Variants in MLLT1 observed in about 807,000 individuals in gnomAD.
MLLT1 encodes the protein protein ENL.
A neutral mutation model predicts 55.1 loss-of-function variants in MLLT1; 11 were observed. The observed-to-expected ratio is 0.20, with a 90% CI of 0.13 to 0.33. MLLT1 has a LOEUF of 0.33. MLLT1 is among the 10% of genes least tolerant of loss of function. MLLT1 has a pLI of 1.00. For missense variants in MLLT1, 536 were observed against 760.6 expected, an observed-to-expected ratio of 0.70 and a Z score of 3.47; for synonymous variants, 323 against 320.1, an observed-to-expected ratio of 1.01 and a Z score of -0.10.
intron 3 of MLLT1, among the ~76,000 whole-genome samples, chr19:6,250,325 T>C (rs1244531120): frequency 6.6e-6 from 1 of 152,288 alleles, no homozygotes; most frequent in South Asian, 2.1e-4. Context: ...AGTGGCAATA[T>C]AAAATGGTTT....
In MLLT1 at chr19:6,270,757, G is replaced by A. The variant is rs1318853543; in HGVS notation, c.15C>T (p.Cys5=). The change falls in exon 2 of 12, where the codon TGC becomes TGT. Residue 5 remains cysteine, a splice_region_variant and synonymous_variant. Coordinates refer to ENST00000252674, the MANE Select transcript of MLLT1 (RefSeq NM_005934.4). The surrounding 1 kb of genome is among the most constrained non-coding windows in gnomAD (Gnocchi z 7.1). MDNQ[C]TVQVRLELGH... ...CCAGCTCTAACCTCACCTGGACGGT[G>A]CACTGGAGGAGAGAGAGGTGGGGAG... is the stretch of plus-strand genomic sequence containing the variant. The A allele has an allele frequency of 3.7e-6, 6 of 1,603,064 alleles. No homozygotes were observed. In the African/African-American group the frequency reaches 5.4e-5, roughly 14 times the overall value.
At position 6,226,150 on chromosome 19, in the gene MLLT1, C is replaced by T. The variant is rs2090954890; in HGVS notation, c.546+827G>A. ...GTCCTGCCTGGGATGGCTGGGCCCA[C>T]ACGCAGGGCCTGGCAGACAAGTGAG... On this transcript the variant is annotated intron_variant, in intron 5 of 11. Transcript: ENST00000252674. The surrounding 1 kb of genome is among the most constrained non-coding windows in gnomAD (Gnocchi z 6.3). Among the ~76,000 whole-genome samples the T allele has an allele frequency of 6.6e-6, 1 of 152,216 alleles. No individual in the cohort carries two copies. The highest frequency in any genetic ancestry group is 2.4e-5 in the African/African-American group (1 of 41,450).
chr19:6,261,493 A>G (rs1317412423), intron 3 of MLLT1, among the ~76,000 whole-genome samples: 1 of 152,072 alleles, frequency 6.6e-6, no homozygotes, highest in Non-Finnish European at 1.5e-5. Flanking sequence ...CTCCTTCCCC[A>G]GCGTTGCCTC....
Position 6,222,462 on chromosome 19 carries a change from C to G in MLLT1, c.769G>C (p.Ala257Pro), listed in dbSNP as rs780817939. The change falls in exon 6 of 12, where the codon GCC (alanine) becomes CCC (proline). Residue 257 changes from alanine (A) to proline (P), a missense_variant. Transcript: ENST00000252674. The surrounding 1 kb of genome is among the most constrained non-coding windows in gnomAD (Gnocchi z 4.1). ...PKAAFKEPKMALKETKLESTS... is the reference protein window; with the variant it reads ...PKAAFKEPKMPLKETKLESTS... ...CTTTCCAGCTTGGTCTCTTTCAGGG[C>G]CATCTTGGGTTCCTTGAAGGCAGCC... The G allele has an allele frequency of 1.3e-6, 2 of 1,582,836 alleles. No individual in the cohort carries two copies. The highest frequency in any genetic ancestry group is 2.7e-5 in the African/African-American group (2 of 74,452).
intron 3 of MLLT1, among the ~76,000 whole-genome samples, chr19:6,248,681 C>T (rs747708450): frequency 1.3e-5 from 2 of 152,190 alleles, no homozygotes; most frequent in Non-Finnish European, 2.9e-5. Flanking sequence ...ACACAGGCAA[C>T]AGTGCAGCAT....
Position 6,227,650 on chromosome 19 carries a change from C to T in MLLT1, c.421-548G>A, listed in dbSNP as rs1206089191. On this transcript the variant is annotated intron_variant, in intron 4 of 11. Coordinates refer to ENST00000252674, the MANE Select transcript of MLLT1 (RefSeq NM_005934.4). The surrounding 1 kb of genome is among the most constrained non-coding windows in gnomAD (Gnocchi z 5.1). Reference sequence around the variant, plus strand: ...ACCCAGGCTGAGGCCGAGACCAAGGCAGACGACCTGTGCCTACTGGGGGGG... The same window carrying T: ...ACCCAGGCTGAGGCCGAGACCAAGGTAGACGACCTGTGCCTACTGGGGGGG... Among the ~76,000 whole-genome samples, 1 of 152,238 alleles carries T rather than the reference C, an allele frequency of 6.6e-6. No homozygotes were observed. The highest frequency in any genetic ancestry group is 1.5e-5 in the Non-Finnish European group (1 of 68,034).
chr19:6,275,345 G>A (rs536887100), intron 1 of MLLT1, among the ~76,000 whole-genome samples: 2 of 152,298 alleles, frequency 1.3e-5, no homozygotes, highest in East Asian at 1.9e-4. Context: ...TTGATTTTGA[G>A]GTCCTCCTGG....
chr19:6,250,072 C>T (rs1288701782), intron 3 of MLLT1, among the ~76,000 whole-genome samples: 1 of 151,624 alleles, frequency 6.6e-6, no homozygotes, highest in Non-Finnish European at 1.5e-5. Context: ...AAAAGAAAAA[C>T]AACCCAAATC....
At chr19:6,243,301 G>T (rs2091133595) in intron 3 of MLLT1, among the ~76,000 whole-genome samples, 1 of 152,078 alleles carries the variant, frequency 6.6e-6, no homozygotes, top group Non-Finnish European at 1.5e-5. Flanking sequence ...CCAGGACCAG[G>T]GCATCAAAGC....
chr19:6,220,170 C>A (rs2090883168), intron 6 of MLLT1, among the ~76,000 whole-genome samples: 1 of 152,244 alleles, frequency 6.6e-6, no homozygotes, highest in South Asian at 2.1e-4. Context: ...CTTCCGATGG[C>A]CGGTTCTGGT....
rs1008263281 is a variant in MLLT1 at position 6,231,583 on chromosome 19, C to T, written c.277-870G>A. ...CTGGAGTGCAGTGGCGCGATCTCGG[C>T]TCACTGCAAGCTCCACCTCCCTGGT... On this transcript the variant is annotated intron_variant, in intron 3 of 11. Coordinates refer to ENST00000252674, the MANE Select transcript of MLLT1 (RefSeq NM_005934.4). The surrounding 1 kb of genome is among the most constrained non-coding windows in gnomAD (Gnocchi z 5.1). Among the ~76,000 whole-genome samples the T allele has an allele frequency of 2.6e-5, 4 of 151,962 alleles. No individual in the cohort carries two copies. The highest frequency in any genetic ancestry group is 5.9e-5 in the Non-Finnish European group (4 of 67,994).
intron 3 of MLLT1, among the ~76,000 whole-genome samples, chr19:6,234,323 G>A (rs1427608240): frequency 6.6e-6 from 1 of 152,254 alleles, no homozygotes; most frequent in Admixed American, 6.5e-5. Context: ...GTCCGGAGGT[G>A]GAGGAGGGTT....
intron 3 of MLLT1, among the ~76,000 whole-genome samples, chr19:6,233,863 G>T (rs1229160905): frequency 1.3e-5 from 2 of 152,210 alleles, no homozygotes. Flanking sequence ...GTGGCCACGT[G>T]CCCCTCCTCT....
intron 7 of MLLT1, among the ~76,000 whole-genome samples, chr19:6,217,282 C>A (rs1195712806): frequency 6.6e-6 from 1 of 152,184 alleles, no homozygotes; most frequent in Admixed American, 6.5e-5. Context: ...GCAAAGGATT[C>A]CAGGCCAAGG....
chr19:6,256,764 A>AAAAT lies in MLLT1; in HGVS notation c.276+5460_276+5463dup, dbSNP rs1840297105. 6.6e-6 allele frequency among the ~76,000 whole-genome samples: 1 copy of AAAAT among 152,202 alleles called. No homozygotes were observed. The highest frequency in any genetic ancestry group is 2.1e-4 in the South Asian group (1 of 4,830). On this transcript the variant is annotated intron_variant, in intron 3 of 11. Coordinates refer to ENST00000252674, the MANE Select transcript of MLLT1 (RefSeq NM_005934.4). This position sits in a 1 kb window ranked among gnomAD's most constrained non-coding sequence, Gnocchi z 4.1. ...GCCAGACTCCGTCTCAAAATAAAAT[A>AAAAT]AAATAAAATAAAAATAACCTTCCTA...
At chr19:6,278,983 G>A (rs1317026233) in intron 1 of MLLT1, among the ~76,000 whole-genome samples, 1 of 152,194 alleles carries the variant, frequency 6.6e-6, no homozygotes, top group East Asian at 1.9e-4. Flanking sequence ...GAAGGCCAGG[G>A]TCCTAGGGAG....
chr19:6,219,375 C>T lies in MLLT1; in HGVS notation c.1111-1334G>A, dbSNP rs1379784794. Among the ~76,000 whole-genome samples, 3 of 152,304 alleles carry T rather than the reference C, an allele frequency of 2.0e-5. No individual in the cohort carries two copies. The East Asian group carries it at 5.8e-4, about 29-fold the overall frequency. ...CACTGCCCACTCAGGCTACCTGAGTCCCGGACACATACCCCAGAGCGTCCA... is the reference window on the plus strand; with the variant it reads ...CACTGCCCACTCAGGCTACCTGAGTTCCGGACACATACCCCAGAGCGTCCA... On this transcript the variant is annotated intron_variant, in intron 6 of 11. Coordinates refer to ENST00000252674, the MANE Select transcript of MLLT1 (RefSeq NM_005934.4). The surrounding 1 kb of genome is among the most constrained non-coding windows in gnomAD (Gnocchi z 4.5).
intron 3 of MLLT1, among the ~76,000 whole-genome samples, chr19:6,236,947 G>A (rs1356032083): frequency 3.9e-5 from 6 of 152,222 alleles, no homozygotes; most frequent in Non-Finnish European, 8.8e-5. Context: ...GGGCCAGGTC[G>A]CGAGCAGCTC....
intron 3 of MLLT1, among the ~76,000 whole-genome samples, chr19:6,246,012 A>T (rs1004504733): frequency 6.6e-6 from 1 of 151,764 alleles, no homozygotes; most frequent in Non-Finnish European, 1.5e-5. Context: ...CAGGAGGTGG[A>T]GGTTGTAGTG....
Sources: gnomAD v4.1 joint callset for allele counts (sites outside exome capture counted in the v4.1 genomes callset) on GRCh38, gnomAD v4.1.1 for gene constraint, Gnocchi (gnomAD v3.1) non-coding constraint, MANE v1.5 for transcripts, NCBI Gene and HGNC (gene_info 2026-07-23, HGNC 2026-07-21) for gene names.